ANKFN1: variants seen among roughly 807,000 people sequenced by gnomAD.
The protein encoded by ANKFN1 is ankyrin repeat and fibronectin type-III domain-containing protein 1.
In ANKFN1, 74 loss-of-function variants were observed where a neutral mutation model predicts 108.7. The ratio of observed to expected loss-of-function variants is 0.68; its 90% CI spans 0.56 to 0.83. The LOEUF is 0.83. ANKFN1 is among the 40% of genes least tolerant of loss of function. The pLI, the probability that ANKFN1 is intolerant of heterozygous loss-of-function variation, is 0.00. For missense variants in ANKFN1, 1,505 were observed against 1,382.3 expected (o/e 1.09, Z -1.41); for synonymous variants, 547 against 516.2 (o/e 1.06, Z -0.81).
At chr17:56,241,812 A>T (rs1440279700) in intron 3 of ANKFN1, among the ~76,000 whole-genome samples, 1 of 152,128 alleles carries the variant, frequency 6.6e-6, no homozygotes, top group Non-Finnish European at 1.5e-5. Flanking sequence ...TAAAATAAGG[A>T]TTACTTATAA....
At chr17:56,340,127 T>G (rs1489141722) in intron 4 of ANKFN1, among the ~76,000 whole-genome samples, 1 of 152,210 alleles carries the variant, frequency 6.6e-6, no homozygotes, top group Non-Finnish European at 1.5e-5. Flanking sequence ...TGTCTGTTCA[T>G]GTCCTTTGCC....
chr17:56,499,234 G>A, intron 20 of ANKFN1, 136 bp downstream of exon 20: 1 of 802,404 alleles, frequency 1.2e-6, no homozygotes, highest in Non-Finnish European at 1.9e-6. Context: ...GAGTCTAACA[G>A]CATAGAGGAA....
At chr17:56,226,222 C>T (rs1236170695) in intron 2 of ANKFN1, among the ~76,000 whole-genome samples, 1 of 151,992 alleles carries the variant, frequency 6.6e-6, no homozygotes, top group Non-Finnish European at 1.5e-5. Context: ...TAATAACTAA[C>T]AACTAATAAT....
At chr17:56,459,341 C>T (rs1274642071) in intron 14 of ANKFN1, among the ~76,000 whole-genome samples, 1 of 152,108 alleles carries the variant, frequency 6.6e-6, no homozygotes, top group Non-Finnish European at 1.5e-5. Context: ...GAACTCCTGA[C>T]CTCAAGTGAT....
At chr17:56,209,546 G>T (rs929955239) in intron 1 of ANKFN1, among the ~76,000 whole-genome samples, 5 of 152,184 alleles carry the variant, frequency 3.3e-5, no homozygotes, top group Admixed American at 1.3e-4. Context: ...CAAACCAGGA[G>T]CCCCAATTCT....
intron 20 of ANKFN1, among the ~76,000 whole-genome samples, chr17:56,504,829 ATT>A (rs5821133): frequency 0.032 from 3,717 of 116,450 alleles, 149 homozygotes; most frequent in African/African-American, 0.11. Context: ...TAATTTTTGG[ATT>A]TTTTTTTTTT....
At chr17:56,265,736 T>A (rs1008333702) in intron 3 of ANKFN1, among the ~76,000 whole-genome samples, 1 of 152,160 alleles carries the variant, frequency 6.6e-6, no homozygotes, top group Non-Finnish European at 1.5e-5. Context: ...CATATACACA[T>A]CCTCTTATTT....
chr17:56,088,193 C>A lies in ANKFN1; in HGVS notation c.288+41868C>A, dbSNP rs528367908. Reference sequence around the variant, plus strand: ...GTCTGGTAAACTGATTAACACATCTCGTTTTTTAGCACCAGCTAGAAGTGT... The same window carrying A: ...GTCTGGTAAACTGATTAACACATCTAGTTTTTTAGCACCAGCTAGAAGTGT... On this transcript the variant is annotated intron_variant, in intron 4 of 12. Coordinates refer to the ANKFN1 transcript ENST00000635860. Among the ~76,000 whole-genome samples the A allele has an allele frequency of 9.2e-5, 14 of 151,400 alleles. 1 individual carries two copies. In the South Asian group the frequency reaches 2.9e-3, roughly 32 times the overall value.
At chr17:56,258,637 G>T (rs898040854) in intron 3 of ANKFN1, among the ~76,000 whole-genome samples, 1 of 152,160 alleles carries the variant, frequency 6.6e-6, no homozygotes, top group African/African-American at 2.4e-5. Flanking sequence ...GAGGTCAGGC[G>T]CGGTGGCTCA....
intron 3 of ANKFN1, among the ~76,000 whole-genome samples, chr17:56,278,902 C>T (rs2144229595): frequency 6.6e-6 from 1 of 152,266 alleles, no homozygotes; most frequent in East Asian, 1.9e-4. Context: ...AGATGTACAA[C>T]ATGAAGCTTA....
chr17:56,374,615 C>A lies in ANKFN1; in HGVS notation c.811C>A (p.Pro271Thr), dbSNP rs1168486599. ...GFEHARAPEM[P>T]TNVCLMVTSS... Reference sequence around the variant, plus strand: ...TTCTGTCCCAGGAGCCCCTGAGATGCCAACCAATGTCTGTCTCATGGTAAC... The same window carrying A: ...TTCTGTCCCAGGAGCCCCTGAGATGACAACCAATGTCTGTCTCATGGTAAC... The change falls in exon 8 of 21, where the codon CCA becomes ACA. Residue 271 changes from proline to threonine, a missense_variant. Transcript: ENST00000682825. 1.1e-5 allele frequency: 17 copies of A among 1,613,562 alleles called. No individual in the cohort carries two copies. Among genetic ancestry groups the A allele is most frequent in the Non-Finnish European group, 1.4e-5 (17 of 1,179,704 alleles).
At chr17:56,150,121 T>C (rs1273811986), upstream of ANKFN1, among the ~76,000 whole-genome samples, 1 of 152,216 alleles carries the variant, frequency 6.6e-6, no homozygotes, top group Admixed American at 6.5e-5. Context: ...TACAAATCCC[T>C]GCCTGCAGAC....
intron 1 of ANKFN1, among the ~76,000 whole-genome samples, chr17:56,203,800 T>G (rs1371793806): frequency 3.3e-5 from 5 of 152,160 alleles, no homozygotes; most frequent in Non-Finnish European, 7.3e-5. Context: ...ATTATGAGGC[T>G]CAATAAAAGT....
intron 3 of ANKFN1, among the ~76,000 whole-genome samples, chr17:56,285,174 G>A (rs1028033811): frequency 6.6e-6 from 1 of 152,114 alleles, no homozygotes; most frequent in Admixed American, 6.5e-5. Context: ...GTCATTTAGG[G>A]TGACAGCAGG....
At chr17:56,182,880 G>T (rs115119457) in intron 1 of ANKFN1, among the ~76,000 whole-genome samples, 9 of 152,236 alleles carry the variant, frequency 5.9e-5, no homozygotes, top group African/African-American at 1.9e-4. Flanking sequence ...TTATCATTCT[G>T]AAAATCCTAA....
At chr17:56,095,827 A>G (rs1165059959) in intron 4 of ANKFN1, among the ~76,000 whole-genome samples, 1 of 152,178 alleles carries the variant, frequency 6.6e-6, no homozygotes, top group Non-Finnish European at 1.5e-5. Context: ...GGATCTGTGC[A>G]ATGTCTGACT....
intron 4 of ANKFN1, among the ~76,000 whole-genome samples, chr17:56,091,147 G>C (rs1054577861): frequency 1.5e-4 from 23 of 150,974 alleles, no homozygotes; most frequent in Admixed American, 3.3e-4. Context: ...AGAATATTCT[G>C]AATTCTGTAG....
intron 3 of ANKFN1, among the ~76,000 whole-genome samples, chr17:56,246,053 G>T (rs1365218803): frequency 6.6e-6 from 1 of 151,994 alleles, no homozygotes; most frequent in African/African-American, 2.4e-5. Context: ...CCAGAAACAG[G>T]CACCTGCAAT....
intron 1 of ANKFN1, among the ~76,000 whole-genome samples, chr17:56,178,918 G>A (rs1911424309): frequency 1.3e-5 from 2 of 151,960 alleles, no homozygotes; most frequent in Admixed American, 6.6e-5. Flanking sequence ...TTAATATTAA[G>A]TTATTTTCTA....
Sources: allele counts gnomAD v4.1 joint callset (sites outside exome capture counted in the v4.1 genomes callset), GRCh38; gene constraint gnomAD v4.1.1; transcripts MANE v1.5; gene names NCBI Gene and HGNC (gene_info 2026-07-23, HGNC 2026-07-21).